Variants in HIVEP3 observed in about 807,000 individuals in gnomAD.
HIVEP3 encodes the protein HIVEP zinc finger 3, also known as transcription factor HIVEP3.
In HIVEP3, 49 loss-of-function variants were observed where a neutral mutation model predicts 152.8. The ratio of observed to expected loss-of-function variants is 0.32; its 90% confidence interval spans 0.26 to 0.41. The LOEUF (loss-of-function observed/expected upper bound fraction) is 0.41. Among genes scored for constraint, HIVEP3 ranks in the 10% least tolerant of loss-of-function variants. HIVEP3 has a pLI of 1.00. For synonymous variants in HIVEP3, 1,269 were observed against 1,289.0 expected, an observed-to-expected ratio of 0.98 and a Z score of 0.33; for missense variants, 2,790 against 3,103.3, an observed-to-expected ratio of 0.90 and a Z score of 2.40.
At chr1:41,924,360 G>A (rs1644957169) in intron 1 of HIVEP3, among the ~76,000 whole-genome samples, 1 of 152,130 alleles carries the variant, frequency 6.6e-6, no homozygotes, top group African/African-American at 2.4e-5. Flanking sequence ...TGAGTTTGTG[G>A]TCATTTGTTA....
chr1:41,571,467 G>A (rs1049410916), intron 5 of HIVEP3, among the ~76,000 whole-genome samples: 3 of 152,212 alleles, frequency 2.0e-5, no homozygotes, highest in Non-Finnish European at 4.4e-5. Flanking sequence ...GAAAATGCGG[G>A]CTTTGTTCAG....
chr1:41,744,896 G>C (rs1647049642), intron 1 of HIVEP3, among the ~76,000 whole-genome samples: 1 of 152,212 alleles, frequency 6.6e-6, no homozygotes, highest in Non-Finnish European at 1.5e-5. Context: ...AAGGCAGGGG[G>C]CAGGGGGAAG....
At chr1:41,688,078 C>T (rs1028582086) in intron 2 of HIVEP3, among the ~76,000 whole-genome samples, 2 of 152,336 alleles carry the variant, frequency 1.3e-5, no homozygotes, top group East Asian at 1.9e-4. Context: ...GTGGGCACCA[C>T]GGTTCTTGTT....
chr1:41,846,923 C>T (rs1051282526), intron 1 of HIVEP3, among the ~76,000 whole-genome samples: 31 of 152,334 alleles, frequency 2.0e-4, no homozygotes, highest in African/African-American at 7.5e-4. Flanking sequence ...AACACCACTC[C>T]CTCATTCACT....
intron 6 of HIVEP3, among the ~76,000 whole-genome samples, chr1:41,520,534 G>A (rs1642733303): frequency 6.6e-6 from 1 of 152,114 alleles, no homozygotes; most frequent in Non-Finnish European, 1.5e-5. Flanking sequence ...AGGCAGCTGG[G>A]GTCTTCCGCG....
At chr1:41,963,537 A>AG (rs1172878073) in intron 1 of HIVEP3, among the ~76,000 whole-genome samples, 2 of 135,840 alleles carry the variant, frequency 1.5e-5, no homozygotes, top group Admixed American at 7.3e-5. Context: ...GGGAGCGGCG[A>AG]GGGGGGAGGG....
intron 1 of HIVEP3, among the ~76,000 whole-genome samples, chr1:41,964,772 G>C (rs958652777): frequency 1.3e-5 from 2 of 152,218 alleles, no homozygotes; most frequent in African/African-American, 4.8e-5. Context: ...CTGGGACAGA[G>C]CCCCTGGGGA....
chr1:41,718,310 C>T (rs537953031), intron 1 of HIVEP3, among the ~76,000 whole-genome samples: 3 of 152,290 alleles, frequency 2.0e-5, no homozygotes, highest in South Asian at 2.1e-4. Flanking sequence ...ACAGACTGGC[C>T]GTGGGTCTGT....
intron 1 of HIVEP3, among the ~76,000 whole-genome samples, chr1:41,778,489 C>A (rs1648848207): frequency 1.3e-5 from 2 of 152,226 alleles, no homozygotes; most frequent in Non-Finnish European, 2.9e-5. Flanking sequence ...CTGGGACTCA[C>A]TGGTCCCCAG....
intron 1 of HIVEP3, among the ~76,000 whole-genome samples, chr1:41,872,423 T>C (rs1257165511): frequency 6.6e-6 from 1 of 152,194 alleles, no homozygotes. Context: ...CACATACTCC[T>C]AAATCTTGTC....
chr1:41,541,448 T>C (rs1055740237), intron 5 of HIVEP3, among the ~76,000 whole-genome samples: 1 of 152,306 alleles, frequency 6.6e-6, no homozygotes, highest in East Asian at 1.9e-4. Context: ...GTCTGTGTGT[T>C]GTGGCCGTGA....
chr1:41,921,652 G>A (rs1323539810), upstream of HIVEP3, among the ~76,000 whole-genome samples: 1 of 152,074 alleles, frequency 6.6e-6, no homozygotes, highest in Non-Finnish European at 1.5e-5. Flanking sequence ...AACTGTACAG[G>A]TTTCCAGAAA....
At chr1:41,536,050 C>T (rs547898828) in intron 5 of HIVEP3, among the ~76,000 whole-genome samples, 5 of 152,174 alleles carry the variant, frequency 3.3e-5, no homozygotes, top group East Asian at 3.9e-4. Context: ...CCCCAAAGGA[C>T]GTGACACGTT....
chr1:41,518,313 A>G, intron 7 of HIVEP3, 89 bp downstream of exon 7: 4 of 1,099,826 alleles, frequency 3.6e-6, no homozygotes, highest in Non-Finnish European at 5.6e-6. Flanking sequence ...GCAGACAGAA[A>G]GGAAGCAGGG....
Position 41,902,237 on chromosome 1 carries a change from T to G in HIVEP3, c.-801+16176A>C, listed in dbSNP as rs190355476. On this transcript the variant is annotated intron_variant, in intron 1 of 8. Transcript: ENST00000372583. ...GGTCTGAAAGACATCCGGCCCACAT[T>G]GCTTTCACTTAGGTCATGTTCCCCC... Among the ~76,000 whole-genome samples, 382 of 152,284 alleles carry G rather than the reference T, an allele frequency of 2.5e-3. 3 individuals carry two copies. Among genetic ancestry groups the G allele is most frequent in the African/African-American group, 8.9e-3 (371 of 41,560 alleles).
chr1:41,798,840 G>A (rs1388455988), intron 1 of HIVEP3, among the ~76,000 whole-genome samples: 1 of 152,132 alleles, frequency 6.6e-6, no homozygotes, highest in Non-Finnish European at 1.5e-5. Flanking sequence ...TTACAACCCA[G>A]ACCCCTGCTT....
chr1:41,587,187 A>G (rs1200884468), intron 3 of HIVEP3, among the ~76,000 whole-genome samples: 2 of 152,192 alleles, frequency 1.3e-5, no homozygotes, highest in African/African-American at 4.8e-5. Flanking sequence ...TATGTCTTCA[A>G]TGACACCCCT....
chr1:41,630,328 A>G (rs115032429), intron 2 of HIVEP3, among the ~76,000 whole-genome samples: 2 of 152,206 alleles, frequency 1.3e-5, no homozygotes, highest in Non-Finnish European at 2.9e-5. Context: ...AGTGCGTACT[A>G]TGCTCACTAC....
Position 41,583,006 on chromosome 1 carries a change from C to T in HIVEP3, c.1792G>A (p.Gly598Arg). The change falls in exon 4 of 9, where the codon GGA (glycine) becomes AGA (arginine). Residue 598 changes from glycine (G) to arginine (R), a missense_variant. Coordinates refer to ENST00000372583, the MANE Select transcript of HIVEP3 (RefSeq NM_024503.5). This position sits in a 1 kb window ranked among gnomAD's most constrained non-coding sequence, Gnocchi z 6.9. ...GGCTCCTCAGAACTGTATTCCCCTC[C>T]CAAAGGTAATTCGATTGCCGGCTGG... is the stretch of plus-strand genomic sequence containing the variant. ...KRQPAIELPL[G>R]GEYSSEEPGP... 2 of 1,614,058 alleles carry T rather than the reference C, an allele frequency of 1.2e-6. No homozygotes were observed. Among genetic ancestry groups the T allele is most frequent in the Non-Finnish European group, 1.7e-6 (2 of 1,180,030 alleles).
Sources: gnomAD v4.1 joint callset for allele counts (sites outside exome capture counted in the v4.1 genomes callset) on GRCh38, gnomAD v4.1.1 for gene constraint, Gnocchi (gnomAD v3.1) non-coding constraint, MANE v1.5 for transcripts, NCBI Gene and HGNC (gene_info 2026-07-23, HGNC 2026-07-21) for gene names.